THSD4: variants seen among roughly 807,000 people sequenced by gnomAD.
The protein encoded by THSD4 is thrombospondin type-1 domain-containing protein 4.
THSD4 carries 69 observed loss-of-function variants against 119.0 expected under a neutral mutation model. That is an observed-to-expected ratio of 0.58 (90% CI 0.48 to 0.71). THSD4 has a LOEUF of 0.71. Ranked by LOEUF, THSD4 falls within the 30% of genes least tolerant of loss-of-function variation. THSD4 has a pLI of 0.00. For synonymous variants in THSD4, 524 were observed against 540.4 expected, an observed-to-expected ratio of 0.97 and a Z score of 0.42; for missense variants, 1,393 against 1,391.1, an observed-to-expected ratio of 1.00 and a Z score of -0.02.
chr15:71,777,082 C>G, intron 17 of THSD4, 150 bp from the exon 18 acceptor site: 1 of 809,196 alleles, frequency 1.2e-6, no homozygotes, highest in Non-Finnish European at 2.0e-6. Flanking sequence ...AAGAGAAAAA[C>G]CTGTGAGCCC....
At chr15:71,306,062 C>T (rs1363310903) in intron 6 of THSD4, among the ~76,000 whole-genome samples, 1 of 152,124 alleles carries the variant, frequency 6.6e-6, no homozygotes, top group African/African-American at 2.4e-5. Context: ...AATCCCAGCA[C>T]TTTGTGAGGC....
chr15:71,368,717 G>A (rs1274000043), intron 6 of THSD4, among the ~76,000 whole-genome samples: 24 of 152,122 alleles, frequency 1.6e-4, no homozygotes, highest in African/African-American at 3.4e-4. Flanking sequence ...GTCAGGTAGT[G>A]TGATGCCTCC....
chr15:71,531,752 C>A (rs2140815085), intron 7 of THSD4, among the ~76,000 whole-genome samples: 1 of 152,302 alleles, frequency 6.6e-6, no homozygotes, highest in South Asian at 2.1e-4. Context: ...AGAGGTAACA[C>A]TACAATTCAG....
chr15:71,355,862 C>CTTATTTTATT, intron 6 of THSD4, among the ~76,000 whole-genome samples: 1 of 150,490 alleles, frequency 6.6e-6, no homozygotes, highest in Non-Finnish European at 1.5e-5. Context: ...TTAGGTTTTT[C>CTTATTTTATT]TTATTTTATT....
chr15:71,487,416 C>G (rs1018482267), intron 7 of THSD4, among the ~76,000 whole-genome samples: 2 of 152,144 alleles, frequency 1.3e-5, no homozygotes, highest in African/African-American at 4.8e-5. Context: ...TCTGGAAAGT[C>G]AACAGTGACC....
chr15:71,518,973 T>A (rs2048399825), intron 7 of THSD4, among the ~76,000 whole-genome samples: 1 of 152,208 alleles, frequency 6.6e-6, no homozygotes, highest in South Asian at 2.1e-4. Flanking sequence ...ATAACATTTT[T>A]AAACAATTAA....
In THSD4 at chr15:71,340,290, G is replaced by A. The variant is rs532919929; in HGVS notation, c.1016-71397G>A. On this transcript the variant is annotated intron_variant, in intron 6 of 17. Transcript: ENST00000261862. ...CTCTCGTCCCCATTTCATAGATGAG[G>A]AACCCAAGGCTCAGAGAGGTTGAAG... Among the ~76,000 whole-genome samples, 159 of 152,300 alleles carry A rather than the reference G, an allele frequency of 1.0e-3. 1 individual carries two copies. Among genetic ancestry groups the A allele is most frequent in the Non-Finnish European group, 1.6e-3 (107 of 68,038 alleles).
chr15:71,339,060 C>T (rs1450599548), intron 6 of THSD4, among the ~76,000 whole-genome samples: 1 of 152,190 alleles, frequency 6.6e-6, no homozygotes, highest in African/African-American at 2.4e-5. Flanking sequence ...TCTGCGGCCT[C>T]GCCTCTTCTC....
At chr15:71,271,557 A>G (rs372993836) in intron 6 of THSD4, among the ~76,000 whole-genome samples, 23 of 152,352 alleles carry the variant, frequency 1.5e-4, no homozygotes, top group African/African-American at 5.1e-4. Context: ...TTATATACAC[A>G]TGGGTGTATA....
chr15:71,745,410 A>T (rs987293360), intron 12 of THSD4, among the ~76,000 whole-genome samples, 175 bp downstream of exon 12: 3 of 152,256 alleles, frequency 2.0e-5, no homozygotes, highest in Non-Finnish European at 4.4e-5. Flanking sequence ...GGATGAACTC[A>T]GGAGCTGATA....
rs138567389 is a variant in THSD4, at chr15:71,426,397, G to GTGTGTGTGTGTGTGTT, written c.1152+14583_1152+14584insGTGTGTTTGTGTGTGT. ...TGTGTGTGTGTGTGTGTGTGTGTGT[G>GTGTGTGTGTGTGTGTT]TGTGTGTGTTCAGGTGCTGAATGTC... On this transcript the variant is annotated intron_variant, in intron 7 of 17. Coordinates refer to ENST00000261862, the MANE Select transcript of THSD4 (RefSeq NM_024817.3). Among the ~76,000 whole-genome samples, 139 of 124,712 alleles carry GTGTGTGTGTGTGTGTT rather than the reference G, an allele frequency of 1.1e-3. 2 individuals carry two copies. The highest frequency in any genetic ancestry group is 3.6e-3 in the African/African-American group (136 of 37,286). 81.8% of individuals were successfully genotyped at this position (124,712 alleles called of 152,430 possible). A position where few individuals can be genotyped will look rare whatever the true frequency, so the allele number is the denominator to read the frequency against.
At chr15:71,230,154 C>G (rs2044048869) in intron 4 of THSD4, among the ~76,000 whole-genome samples, 1 of 152,116 alleles carries the variant, frequency 6.6e-6, no homozygotes, top group African/African-American at 2.4e-5. Flanking sequence ...GATAGGATCT[C>G]CATTTGCTTA....
At chr15:71,507,978 T>G (rs1430302820) in intron 7 of THSD4, among the ~76,000 whole-genome samples, 1 of 152,032 alleles carries the variant, frequency 6.6e-6, no homozygotes, top group Non-Finnish European at 1.5e-5. Flanking sequence ...TACCAAAAAA[T>G]AAAATAAAAA....
At chr15:71,242,555 C>T (rs1221141699) in intron 4 of THSD4, 94 bp from the exon 5 acceptor site, 2 of 1,363,172 alleles carry the variant, frequency 1.5e-6, no homozygotes, top group African/African-American at 1.4e-5. Context: ...GCTTCCGTTC[C>T]TACCTGGTCC....
chr15:71,576,537 A>G (rs1409312036), intron 7 of THSD4, among the ~76,000 whole-genome samples: 1 of 152,222 alleles, frequency 6.6e-6, no homozygotes, highest in East Asian at 1.9e-4. Context: ...GAAACAGCCA[A>G]TTAAAAATCT....
intron 6 of THSD4, among the ~76,000 whole-genome samples, chr15:71,259,931 A>G (rs560980508): frequency 1.3e-5 from 2 of 152,296 alleles, no homozygotes; most frequent in South Asian, 4.1e-4. Context: ...CTGGCTGTGG[A>G]TAATAGCTGC....
intron 6 of THSD4, among the ~76,000 whole-genome samples, chr15:71,334,957 A>G (rs1304836488): frequency 6.6e-6 from 1 of 152,230 alleles, no homozygotes; most frequent in Middle Eastern, 3.2e-3. Context: ...ACACTGGAGC[A>G]GATGGGCCAG....
At chr15:71,728,470 C>CCAGAAACTGG in intron 8 of THSD4, 79 bp from the exon 9 acceptor site, 2 of 1,533,702 alleles carry the variant, frequency 1.3e-6, no homozygotes, top group Non-Finnish European at 1.8e-6. Flanking sequence ...AATGAAGAAG[C>CCAGAAACTGG]CAGAAACTGG....
chr15:71,116,478 T>TA (rs1226565531), intron 1 of THSD4, among the ~76,000 whole-genome samples: 1 of 152,122 alleles, frequency 6.6e-6, no homozygotes, highest in Non-Finnish European at 1.5e-5. Flanking sequence ...TGTGGTCTAG[T>TA]AAGTTTTTTA....
Sources: allele counts gnomAD v4.1 joint callset (sites outside exome capture counted in the v4.1 genomes callset), GRCh38; gene constraint gnomAD v4.1.1; transcripts MANE v1.5; gene names NCBI Gene and HGNC (gene_info 2026-07-23, HGNC 2026-07-21).